Variants in CCDC102B observed in about 807,000 individuals in gnomAD.
CCDC102B encodes the protein coiled-coil domain-containing protein 102B.
Under a neutral mutation model 57.4 loss-of-function variants are expected in CCDC102B, and 75 were observed. That is an observed-to-expected ratio of 1.31 (90% CI 1.08 to 1.58). CCDC102B has a LOEUF of 1.58. CCDC102B is among the 40% of genes most tolerant of loss of function. The probability of loss-of-function intolerance (pLI) is 0.00; values close to 1 mark genes in which losing one functional copy is unlikely to be tolerated. For synonymous variants in CCDC102B, 206 were observed against 201.9 expected (o/e 1.02, Z -0.17); for missense variants, 636 against 582.6 (o/e 1.09, Z -0.94).
chr18:69,036,287 G>C (rs574119736), intron 7 of CCDC102B, among the ~76,000 whole-genome samples: 1 of 151,980 alleles, frequency 6.6e-6, no homozygotes, highest in African/African-American at 2.4e-5. Context: ...AAATTATGAA[G>C]ACTTAGAATA....
intron 3 of CCDC102B, among the ~76,000 whole-genome samples, chr18:68,845,434 A>G (rs1292274594): frequency 2.0e-5 from 3 of 151,844 alleles, no homozygotes; most frequent in East Asian, 1.9e-4. Flanking sequence ...GCTCAAACAT[A>G]TAAGTTGTTT....
chr18:68,950,537 A>G (rs879292259), intron 6 of CCDC102B, among the ~76,000 whole-genome samples: 1 of 152,096 alleles, frequency 6.6e-6, no homozygotes, highest in Non-Finnish European at 1.5e-5. Flanking sequence ...AACTTTTTAA[A>G]ATGTTTGCTC....
At chr18:68,755,114 A>G (rs943771564) in intron 2 of CCDC102B, 3 of 152,210 alleles carry the variant, frequency 2.0e-5, no homozygotes, top group Non-Finnish European at 4.4e-5. Context: ...TTTATTGGAA[A>G]ATGCAAGTAA....
At chr18:68,959,541 A>T (rs181749645) in intron 6 of CCDC102B, among the ~76,000 whole-genome samples, 13 of 152,146 alleles carry the variant, frequency 8.5e-5, no homozygotes, top group Non-Finnish European at 1.5e-4. Flanking sequence ...TAAGGGCTCG[A>T]TATTCTGCAG....
chr18:68,828,341 A>C (rs1032468737), intron 1 of CCDC102B, among the ~76,000 whole-genome samples: 2 of 150,600 alleles, frequency 1.3e-5, no homozygotes, highest in Admixed American at 6.6e-5. Flanking sequence ...AAAAAAAAAA[A>C]AAAAAACCTT....
At chr18:69,006,655 C>T (rs1410666174) in intron 6 of CCDC102B, among the ~76,000 whole-genome samples, 3 of 147,036 alleles carry the variant, frequency 2.0e-5, no homozygotes, top group Non-Finnish European at 4.4e-5. Flanking sequence ...GTTGACCAGG[C>T]TGGTCTCAAA....
In CCDC102B at chr18:69,028,412, A is replaced by C. The variant is rs553203170; in HGVS notation, c.1434+17308A>C. Among the ~76,000 whole-genome samples, 10 of 152,258 alleles carry C rather than the reference A, an allele frequency of 6.6e-5. No individual in the cohort carries two copies. The South Asian group carries it at 2.1e-3, about 32-fold the overall frequency. ...TGAAAAAAGACCTGAGGCTAGAAGC[A>C]CAAGGCCTTGAAAACCATGTTGGGG... On this transcript the variant is annotated intron_variant, in intron 7 of 7. Coordinates refer to ENST00000360242, the MANE Select transcript of CCDC102B (RefSeq NM_024781.3).
At chr18:68,949,584 T>C (rs953188688) in intron 6 of CCDC102B, among the ~76,000 whole-genome samples, 5 of 152,126 alleles carry the variant, frequency 3.3e-5, no homozygotes, top group African/African-American at 1.2e-4. Flanking sequence ...CTCTTTATAA[T>C]GTGGTTGCAT....
At chr18:68,934,959 T>C (rs987600439) in intron 6 of CCDC102B, among the ~76,000 whole-genome samples, 1 of 151,890 alleles carries the variant, frequency 6.6e-6, no homozygotes, top group Non-Finnish European at 1.5e-5. Context: ...CTGGCTACAT[T>C]TGATATTTGG....
chr18:68,844,203 A>T (rs2037757263), intron 3 of CCDC102B, among the ~76,000 whole-genome samples: 1 of 151,856 alleles, frequency 6.6e-6, no homozygotes, highest in South Asian at 2.1e-4. Flanking sequence ...TTATCATTTG[A>T]TTCATTAAAG....
chr18:68,794,318 C>G (rs957253276), upstream of CCDC102B, among the ~76,000 whole-genome samples: 1 of 152,150 alleles, frequency 6.6e-6, no homozygotes, highest in Admixed American at 6.6e-5. Context: ...AGTCAACAGA[C>G]TGGCATTAGA....
rs2040964044 is a variant in CCDC102B at position 68,913,673 on chromosome 18, C to CAAA, written c.1263+16248_1263+16250dup. On this transcript the variant is annotated intron_variant, in intron 6 of 7. Transcript: ENST00000360242. ...CGGTCTCAAAAGAAAAAAAAAAAAG[C>CAAA]AAAAACAAAGACAAAACTAACCAAA... 3.5e-3 allele frequency among the ~76,000 whole-genome samples: 270 copies of CAAA among 76,776 alleles called. 1 individual carries two copies. The highest frequency in any genetic ancestry group is 8.1e-3 in the Admixed American group (61 of 7,486). The allele number at this position is 76,776 out of a possible 152,430, so 50.4% of individuals were successfully genotyped here.
In CCDC102B at chr18:68,831,034, T is replaced by C. The variant is rs533515849; in HGVS notation, c.-15-5715T>C. ...ATTATAAAGAAGTCACACTGGTCACTTTTTTTCTCTGATCTATGAGGTTAT... is the reference window on the plus strand; with the variant it reads ...ATTATAAAGAAGTCACACTGGTCACCTTTTTTCTCTGATCTATGAGGTTAT... On this transcript the variant is annotated intron_variant, in intron 1 of 7. Transcript: ENST00000360242. Among the ~76,000 whole-genome samples, 116 of 152,098 alleles carry C rather than the reference T, an allele frequency of 7.6e-4. 3 individuals are homozygous for C. The South Asian group carries it at 0.014, about 18-fold the overall frequency.
intron 6 of CCDC102B, among the ~76,000 whole-genome samples, chr18:68,985,762 C>A (rs1041087395): frequency 5.9e-5 from 9 of 152,224 alleles, no homozygotes; most frequent in African/African-American, 2.2e-4. Context: ...GCCCACCAGT[C>A]TTCTGCCAGC....
intron 2 of CCDC102B, among the ~76,000 whole-genome samples, chr18:68,743,573 C>T (rs559995932): frequency 1.3e-5 from 2 of 152,324 alleles, no homozygotes; most frequent in African/African-American, 4.8e-5. Context: ...ACGCTCAATG[C>T]TTGCCTTCAC....
chr18:68,958,450 C>A (rs1282581558), intron 6 of CCDC102B, among the ~76,000 whole-genome samples: 1 of 152,140 alleles, frequency 6.6e-6, no homozygotes, highest in Non-Finnish European at 1.5e-5. Context: ...ATAAATCCCA[C>A]TTGGTCATAA....
At chr18:69,010,080 C>T (rs1276848056) in intron 6 of CCDC102B, among the ~76,000 whole-genome samples, 9 of 144,436 alleles carry the variant, frequency 6.2e-5, no homozygotes, top group East Asian at 2.0e-4. Context: ...TACAGGCGTC[C>T]GCCACCATGC....
At chr18:68,791,848 T>C (rs1303899188) in intron 2 of CCDC102B, among the ~76,000 whole-genome samples, 1 of 152,154 alleles carries the variant, frequency 6.6e-6, no homozygotes, top group Non-Finnish European at 1.5e-5. Context: ...CAGAACTAAA[T>C]CGTAGCCTCA....
chr18:68,735,180 T>C (rs1263365989), intron 2 of CCDC102B, among the ~76,000 whole-genome samples: 1 of 151,932 alleles, frequency 6.6e-6, no homozygotes, highest in African/African-American at 2.4e-5. Flanking sequence ...GCCTCCTGAG[T>C]AACTGAGACT....
Sources: gnomAD v4.1 joint callset for allele counts (sites outside exome capture counted in the v4.1 genomes callset) on GRCh38, gnomAD v4.1.1 for gene constraint, MANE v1.5 for transcripts, NCBI Gene and HGNC (gene_info 2026-07-23, HGNC 2026-07-21) for gene names.